CACNA2D1: variants seen among roughly 807,000 people sequenced by gnomAD.
CACNA2D1 encodes the protein calcium voltage-gated channel auxiliary subunit alpha2delta 1, also known as voltage-dependent calcium channel subunit alpha-2/delta-1.
A neutral mutation model predicts 171.5 loss-of-function variants in CACNA2D1; 53 were observed. The ratio of observed to expected loss-of-function variants is 0.31; its 90% CI spans 0.25 to 0.39. The LOEUF is 0.39. Among genes scored for constraint, CACNA2D1 ranks in the 10% least tolerant of loss-of-function variants. The probability of loss-of-function intolerance (pLI) is 1.00; values close to 1 mark genes in which losing one functional copy is unlikely to be tolerated. For synonymous variants in CACNA2D1, 442 were observed against 443.1 expected, an observed-to-expected ratio of 1.00 and a Z score of 0.03; for missense variants, 903 against 1,299.8, an observed-to-expected ratio of 0.69 and a Z score of 4.69.
chr7:82,010,652 A>C (rs1799679525), intron 15 of CACNA2D1, among the ~76,000 whole-genome samples: 1 of 152,198 alleles, frequency 6.6e-6, no homozygotes, highest in South Asian at 2.1e-4. Flanking sequence ...TAAAAGGAAC[A>C]CTGGACAGTA....
intron 27 of CACNA2D1, 104 bp downstream of exon 27, chr7:81,970,571 G>A (rs1468060684): frequency 1.3e-6 from 1 of 758,508 alleles, no homozygotes; most frequent in South Asian, 1.4e-5. Flanking sequence ...TAATCTAATG[G>A]CAATCAGTTT....
intron 3 of CACNA2D1, among the ~76,000 whole-genome samples, chr7:82,215,083 G>C (rs1460712047): frequency 6.6e-6 from 1 of 152,018 alleles, no homozygotes; most frequent in African/African-American, 2.4e-5. Flanking sequence ...ATTTACATTT[G>C]TCTTACATGA....
At chr7:82,229,093 A>T (rs1260783710) in intron 3 of CACNA2D1, among the ~76,000 whole-genome samples, 1 of 152,154 alleles carries the variant, frequency 6.6e-6, no homozygotes, top group Non-Finnish European at 1.5e-5. Flanking sequence ...TTCAATTTTT[A>T]AACAAGCTTT....
chr7:82,254,383 T>G (rs1806031075), intron 3 of CACNA2D1, among the ~76,000 whole-genome samples: 1 of 152,114 alleles, frequency 6.6e-6, no homozygotes, highest in Non-Finnish European at 1.5e-5. Flanking sequence ...TGCTCTATTA[T>G]TTTTTCTTCC....
intron 3 of CACNA2D1, among the ~76,000 whole-genome samples, chr7:82,315,407 C>G (rs1277228043): frequency 6.6e-6 from 1 of 151,952 alleles, no homozygotes; most frequent in Non-Finnish European, 1.5e-5. Flanking sequence ...AAAGCAACAG[C>G]AGCAATTTTC....
intron 8 of CACNA2D1, among the ~76,000 whole-genome samples, chr7:82,065,118 T>TC (rs1276447812): frequency 6.6e-6 from 1 of 151,662 alleles, no homozygotes; most frequent in Admixed American, 6.6e-5. Flanking sequence ...GACATCAATT[T>TC]TTTTACTTAT....
chr7:82,371,577 T>G (rs1822415352), intron 1 of CACNA2D1, among the ~76,000 whole-genome samples: 1 of 151,996 alleles, frequency 6.6e-6, no homozygotes, highest in African/African-American at 2.4e-5. Flanking sequence ...TTTTATTTTA[T>G]TTTATTATTA....
Position 82,062,729 on chromosome 7 carries a change from C to CTTTTT in CACNA2D1, c.779+1570_779+1574dup, listed in dbSNP as rs71520797. 1.3e-4 allele frequency among the ~76,000 whole-genome samples: 7 copies of CTTTTT among 52,188 alleles called. 2 individuals are homozygous for CTTTTT. The highest frequency in any genetic ancestry group is 1.0e-3 in the East Asian group (2 of 2,010). 34.2% of individuals were successfully genotyped at this position (52,188 alleles called of 152,430 possible). A position where few individuals can be genotyped will look rare whatever the true frequency, so the allele number is the denominator to read the frequency against. ...TTGTCATTTACATTAGGTATATCTC[C>CTTTTT]TTTTTTTTTTTTTTTTTTTTTTTTT... is the stretch of plus-strand genomic sequence containing the variant. On this transcript the variant is annotated intron_variant, in intron 9 of 38. Transcript: ENST00000356860.
At chr7:82,051,878 T>A (rs1805233150) in intron 10 of CACNA2D1, among the ~76,000 whole-genome samples, 1 of 152,196 alleles carries the variant, frequency 6.6e-6, no homozygotes, top group Admixed American at 6.5e-5. Context: ...GGAAAACAGC[T>A]ACATTATGCT....
At chr7:82,363,969 C>A (rs865797100) in intron 1 of CACNA2D1, among the ~76,000 whole-genome samples, 2 of 152,278 alleles carry the variant, frequency 1.3e-5, no homozygotes, top group South Asian at 2.1e-4. Context: ...CCCGGGGGCT[C>A]ACACCTGTAA....
intron 3 of CACNA2D1, among the ~76,000 whole-genome samples, chr7:82,325,071 T>C (rs1197557209): frequency 6.6e-6 from 1 of 152,202 alleles, no homozygotes; most frequent in Non-Finnish European, 1.5e-5. Flanking sequence ...CTGCACTACA[T>C]TTCAAGGCAT....
At chr7:82,150,264 A>C (rs200488785) in intron 4 of CACNA2D1, among the ~76,000 whole-genome samples, 2,750 of 93,442 alleles carry the variant, frequency 0.029, 155 homozygotes, top group African/African-American at 0.15. Context: ...AATTAAAAAA[A>C]AAAAACAAAA....
chr7:82,253,338 T>C (rs1317153365), intron 3 of CACNA2D1, among the ~76,000 whole-genome samples: 1 of 152,176 alleles, frequency 6.6e-6, no homozygotes, highest in African/African-American at 2.4e-5. Flanking sequence ...AAGCGCATCA[T>C]GTGAGGCAGG....
At chr7:82,426,138 TATAAATAA>T (rs56342398) in intron 1 of CACNA2D1, among the ~76,000 whole-genome samples, 27,665 of 128,774 alleles carry the variant, frequency 0.21, 2,838 homozygotes, top group Middle Eastern at 0.27. Flanking sequence ...TTCAAAAATA[TATAAATAA>T]ATAAATAAAT....
At chr7:82,431,773 C>T (rs1436117164) in intron 1 of CACNA2D1, among the ~76,000 whole-genome samples, 4 of 132,958 alleles carry the variant, frequency 3.0e-5, no homozygotes, top group Non-Finnish European at 6.3e-5. Context: ...GGCGCAGTGG[C>T]TCACGCCTGT....
intron 1 of CACNA2D1, among the ~76,000 whole-genome samples, chr7:82,428,146 C>T (rs1340281169): frequency 2.0e-5 from 3 of 150,610 alleles, no homozygotes; most frequent in Non-Finnish European, 4.4e-5. Context: ...GCTGCAACCA[C>T]ACCATATATG....
chr7:82,418,784 G>C (rs1047136889), intron 1 of CACNA2D1, among the ~76,000 whole-genome samples: 3 of 152,148 alleles, frequency 2.0e-5, no homozygotes, highest in Non-Finnish European at 2.9e-5. Context: ...TGGTGTATCA[G>C]AGTTCAGGCC....
intron 10 of CACNA2D1, among the ~76,000 whole-genome samples, chr7:82,059,368 G>A (rs1374969752): frequency 1.3e-5 from 2 of 152,038 alleles, no homozygotes; most frequent in African/African-American, 4.8e-5. Flanking sequence ...TGGTTCTGAG[G>A]AGACTTTAAT....
intron 1 of CACNA2D1, among the ~76,000 whole-genome samples, chr7:82,390,622 G>A (rs995419191): frequency 9.2e-5 from 14 of 152,108 alleles, no homozygotes; most frequent in African/African-American, 3.1e-4. Context: ...AGCCATTACT[G>A]TGGATGTGTA....
Sources: gnomAD v4.1 joint callset for allele counts (sites outside exome capture counted in the v4.1 genomes callset) on GRCh38, gnomAD v4.1.1 for gene constraint, MANE v1.5 for transcripts, NCBI Gene and HGNC (gene_info 2026-07-23, HGNC 2026-07-21) for gene names.